GASK1A: variants seen among roughly 807,000 people sequenced by gnomAD.
GASK1A encodes golgi associated kinase 1A.
GASK1A carries 40 observed loss-of-function variants against 41.2 expected under a neutral mutation model. That is an observed-to-expected ratio of 0.97 (90% CI 0.75 to 1.27). GASK1A has a LOEUF of 1.27. Ranked by LOEUF, GASK1A falls within the 50% of genes most tolerant of loss-of-function variation. GASK1A has a pLI of 0.00. For synonymous variants in GASK1A, 316 were observed against 307.1 expected (o/e 1.03, Z -0.30); for missense variants, 678 against 745.1 (o/e 0.91, Z 1.05).
In GASK1A at chr3:43,032,862, G is replaced by A; in HGVS notation, c.599G>A (p.Gly200Asp). The change falls in exon 2 of 5, where the codon GGC becomes GAC. Residue 200 changes from glycine (G) to aspartate (D), a missense_variant. Coordinates refer to ENST00000430121, the MANE Select transcript of GASK1A (RefSeq NM_001129908.3). ...GLTLWPHTAE[G>D]RDLLGAENRA... ...ACACTCTGGCCCCATACAGCAGAAG[G>A]CAGGGATCTGCTGGGAGCTGAGAAC... 1 of 1,549,464 alleles carries A rather than the reference G, an allele frequency of 6.5e-7. No individual in the cohort carries two copies. Among genetic ancestry groups the A allele is most frequent in the Non-Finnish European group, 8.7e-7 (1 of 1,147,000 alleles).
At chr3:43,002,720 G>A (rs2089416670) in intron 1 of GASK1A, among the ~76,000 whole-genome samples, 1 of 151,974 alleles carries the variant, frequency 6.6e-6, no homozygotes, top group South Asian at 2.1e-4. Flanking sequence ...TATATATCAG[G>A]TTAAATAAAA....
rs1303353726 is a variant in GASK1A, at chr3:43,032,589, G to A, written c.326G>A (p.Gly109Glu). The change falls in exon 2 of 5, where the codon GGA becomes GAA. Residue 109 changes from glycine (G) to glutamate (E), a missense_variant. Physicochemically the swap from Gly to Glu is moderately conservative, Grantham distance 98 (BLOSUM62 -2). Transcript: ENST00000430121. ...ARVDRSRESPGGDLRHPGRVR... is the reference protein window; with the variant it reads ...ARVDRSRESPEGDLRHPGRVR... ...GTGGACAGAAGCAGGGAGTCCCCAG[G>A]AGGGGACCTCAGGCATCCAGGGAGG... 1 of 1,551,588 alleles carries A rather than the reference G, an allele frequency of 6.4e-7. No individual in the cohort carries two copies. The highest frequency in any genetic ancestry group is 2.0e-5 in the Admixed American group (1 of 51,006).
intron 1 of GASK1A, among the ~76,000 whole-genome samples, chr3:43,013,095 G>C (rs1316863017): frequency 6.7e-6 from 1 of 148,886 alleles, no homozygotes; most frequent in Non-Finnish European, 1.5e-5. Flanking sequence ...AGGGGCAGTG[G>C]AAAGTCACAA....
At chr3:43,044,883 G>A (rs2089655127) in intron 2 of GASK1A, among the ~76,000 whole-genome samples, 1 of 152,176 alleles carries the variant, frequency 6.6e-6, no homozygotes, top group South Asian at 2.1e-4. Context: ...CGGAGTCAAA[G>A]GAACGAGAAA....
chr3:43,027,373 A>G (rs2089551612), intron 1 of GASK1A, among the ~76,000 whole-genome samples: 1 of 152,202 alleles, frequency 6.6e-6, no homozygotes, highest in African/African-American at 2.4e-5. Context: ...AAATATAAAC[A>G]ATTGGATGGG....
intron 4 of GASK1A, 111 bp downstream of exon 4, chr3:43,055,646 A>G: frequency 1.3e-6 from 1 of 764,490 alleles, no homozygotes; most frequent in Non-Finnish European, 2.2e-6. Context: ...TCCATCAGAC[A>G]GAAGTTATTG....
intron 1 of GASK1A, among the ~76,000 whole-genome samples, chr3:43,028,288 G>A (rs2089555351): frequency 6.6e-6 from 1 of 152,160 alleles, no homozygotes; most frequent in Admixed American, 6.5e-5. Flanking sequence ...CAAAAGGGAG[G>A]ACGGTATAAT....
rs570989197 is a variant in GASK1A, at chr3:43,030,966, G to A, written c.4-1301G>A. Among the ~76,000 whole-genome samples the A allele has an allele frequency of 3.8e-4, 58 of 152,192 alleles. 2 individuals carry two copies. The highest frequency in any genetic ancestry group is 1.3e-3 in the African/African-American group (53 of 41,544). ...GCTTCTCAGAAGAGCAAGCACATGC[G>A]GGGAAAAAAGTGGGATCTGGTTTGT... On this transcript the variant is annotated intron_variant, in intron 1 of 4. Transcript: ENST00000430121.
At chr3:43,043,931 A>C (rs953488481) in intron 2 of GASK1A, among the ~76,000 whole-genome samples, 1 of 152,226 alleles carries the variant, frequency 6.6e-6, no homozygotes, top group Admixed American at 6.5e-5. Flanking sequence ...AAAACCAACC[A>C]GACAGTGTGG....
intron 2 of GASK1A, among the ~76,000 whole-genome samples, chr3:43,041,212 T>G (rs1186489445): frequency 6.6e-6 from 1 of 151,664 alleles, no homozygotes; most frequent in African/African-American, 2.4e-5. Context: ...TATAGCAGCA[T>G]GATTTATAGT....
chr3:43,032,702 G>A lies in GASK1A; in HGVS notation c.439G>A (p.Gly147Arg), dbSNP rs1378628533. 2.8e-5 allele frequency: 43 copies of A among 1,551,666 alleles called. No homozygotes were observed. The highest frequency in any genetic ancestry group is 3.7e-5 in the Non-Finnish European group (42 of 1,146,996). ...GAGGGAGGATGAGGTTGGAGATCCA[G>A]GAACCAAAGACCTGGGCCACCCCCA... The part of the protein sequence containing the change: ...LLREDEVGDP[G>R]TKDLGHPQHG... The change falls in exon 2 of 5, where the codon GGA becomes AGA. Residue 147 changes from glycine (G) to arginine (R), a missense_variant. Physicochemically the swap from Gly to Arg is moderately radical, Grantham distance 125. Transcript: ENST00000430121.
At position 43,020,655 on chromosome 3, in the gene GASK1A, A is replaced by G. The variant is rs57278712; in HGVS notation, c.4-11612A>G. Among the ~76,000 whole-genome samples the G allele has an allele frequency of 5.8e-4, 88 of 152,366 alleles. No homozygotes were observed. In the East Asian group the frequency reaches 0.016, roughly 27 times the overall value. On this transcript the variant is annotated intron_variant, in intron 1 of 4. Transcript: ENST00000430121. ...CTCAGTCTCAATAGCTAACCAAAACATATGCCTATATTTTGGTAATAGGAG... is the reference window on the plus strand; with the variant it reads ...CTCAGTCTCAATAGCTAACCAAAACGTATGCCTATATTTTGGTAATAGGAG...
At chr3:43,005,174 C>G (rs1345859257) in intron 1 of GASK1A, among the ~76,000 whole-genome samples, 1 of 152,212 alleles carries the variant, frequency 6.6e-6, no homozygotes, top group Non-Finnish European at 1.5e-5. Flanking sequence ...CTCCCCATTT[C>G]AAGACCCTTA....
rs559040184 is a variant in GASK1A at position 43,037,372 on chromosome 3, A to G, written c.1290+3819A>G. ...TCTAAAATGTGCAATACAAATCCTC[A>G]TTGAAATGCACTAAGTACAGACAGC... On this transcript the variant is annotated intron_variant, in intron 2 of 4. Transcript: ENST00000430121. The G allele has an allele frequency of 4.2e-5, 40 of 948,460 alleles. No homozygotes were observed. In the African/African-American group the frequency reaches 6.1e-4, roughly 14 times the overall value. 58.8% of individuals were successfully genotyped at this position (948,460 alleles called of 1,614,324 possible). A position where few individuals can be genotyped will look rare whatever the true frequency, so the allele number is the denominator to read the frequency against.
At chr3:43,034,463 C>T (rs2089595289) in intron 2 of GASK1A, among the ~76,000 whole-genome samples, 1 of 152,118 alleles carries the variant, frequency 6.6e-6, no homozygotes, top group African/African-American at 2.4e-5. Flanking sequence ...ATGAGCTGGA[C>T]CTCAGCCATA....
chr3:43,036,685 C>T (rs1269278001), intron 2 of GASK1A, among the ~76,000 whole-genome samples: 1 of 152,082 alleles, frequency 6.6e-6, no homozygotes, highest in Non-Finnish European at 1.5e-5. Context: ...TTGGATTCAA[C>T]TGAGGTGGAA....
intron 1 of GASK1A, among the ~76,000 whole-genome samples, chr3:42,989,614 T>TGGGTCTCTTTGGAGGAG (rs1575434497): frequency 7.6e-5 from 2 of 26,146 alleles, no homozygotes; most frequent in African/African-American, 2.9e-4. Context: ...TGCTTTCTTT[T>TGGGTCTCTTTGGAGGAG]TTTTTTTTTT....
At chr3:42,992,662 C>T (rs1398981066) in intron 1 of GASK1A, among the ~76,000 whole-genome samples, 1 of 152,222 alleles carries the variant, frequency 6.6e-6, no homozygotes, top group Non-Finnish European at 1.5e-5. Context: ...GGATCCATCC[C>T]TATGACGGTG....
chr3:43,038,486 A>C (rs1409277334), intron 2 of GASK1A, among the ~76,000 whole-genome samples: 1 of 152,194 alleles, frequency 6.6e-6, no homozygotes, highest in Non-Finnish European at 1.5e-5. Flanking sequence ...AGCCGTTTCG[A>C]ATATCAACAT....
Sources: gnomAD v4.1 joint callset for allele counts (sites outside exome capture counted in the v4.1 genomes callset) on GRCh38, gnomAD v4.1.1 for gene constraint, MANE v1.5 for transcripts, NCBI Gene and HGNC (gene_info 2026-07-23, HGNC 2026-07-21) for gene names.